The following GRIP1 variants were observed in gnomAD, a reference collection of about 807,000 sequenced individuals.
GRIP1 encodes glutamate receptor-interacting protein 1.
Under a neutral mutation model 129.9 loss-of-function variants are expected in GRIP1, and 45 were observed. The observed-to-expected ratio is 0.35, with a 90% CI of 0.27 to 0.44. GRIP1 has a LOEUF of 0.44. Among genes scored for constraint, GRIP1 ranks in the 20% least tolerant of loss-of-function variants. The pLI is 1.00. For synonymous variants in GRIP1, 530 were observed against 520.8 expected, an observed-to-expected ratio of 1.02 and a Z score of -0.24; for missense variants, 1,196 against 1,396.8, an observed-to-expected ratio of 0.86 and a Z score of 2.29.
At chr12:66,952,488 GCTTA>G (rs1414422570) in intron 1 of GRIP1, among the ~76,000 whole-genome samples, 2 of 152,038 alleles carry the variant, frequency 1.3e-5, no homozygotes, top group East Asian at 3.9e-4. Context: ...TTTACAAATG[GCTTA>G]CTGAGACCCA....
chr12:66,548,342 G>A (rs1472587008), intron 2 of GRIP1, among the ~76,000 whole-genome samples: 2 of 152,166 alleles, frequency 1.3e-5, no homozygotes, highest in Non-Finnish European at 2.9e-5. Context: ...TTCTGCCCTA[G>A]GACTTTATCT....
intron 1 of GRIP1, among the ~76,000 whole-genome samples, chr12:66,815,854 T>TTCTCTCTCTCTCTC (rs1555241803): frequency 1.6e-4 from 19 of 116,758 alleles, no homozygotes; most frequent in Non-Finnish European, 2.4e-4. Flanking sequence ...CTTTCTTTCT[T>TTCTCTCTCTCTCTC]TCTCTCTCTC....
intron 1 of GRIP1, among the ~76,000 whole-genome samples, chr12:66,896,376 C>T (rs554469475): frequency 1.5e-4 from 23 of 150,198 alleles, no homozygotes; most frequent in Admixed American, 1.5e-3. Flanking sequence ...AGGTATGGGT[C>T]ACTATGGAGC....
At chr12:67,022,510 ATGT>A (rs759111305) in intron 1 of GRIP1, among the ~76,000 whole-genome samples, 10 of 152,104 alleles carry the variant, frequency 6.6e-5, no homozygotes, top group African/African-American at 1.2e-4. Flanking sequence ...AGAAACTACT[ATGT>A]TGTTTTCCAC....
Position 66,476,763 on chromosome 12 carries a change from C to A in GRIP1, c.725-11341G>T, listed in dbSNP as rs1291081728. Among the ~76,000 whole-genome samples, 7 of 152,048 alleles carry A rather than the reference C, an allele frequency of 4.6e-5. 1 individual carries two copies. In the East Asian group the frequency reaches 1.3e-3, roughly 29 times the overall value. ...AACGTAATCCAGCATATAAACAGAA[C>A]CAAAGACAAAAACTACATGATTATC... On this transcript the variant is annotated intron_variant, in intron 7 of 24. Coordinates refer to ENST00000359742, the MANE Select transcript of GRIP1 (RefSeq NM_001366722.1).
chr12:66,913,342 G>A (rs1236750026), intron 1 of GRIP1, among the ~76,000 whole-genome samples: 1 of 152,020 alleles, frequency 6.6e-6, no homozygotes, highest in Middle Eastern at 3.2e-3. Context: ...AATGTCTTAT[G>A]GAATACAGTT....
At chr12:66,431,321 T>A (rs1291035091) in intron 14 of GRIP1, among the ~76,000 whole-genome samples, 1 of 152,154 alleles carries the variant, frequency 6.6e-6, no homozygotes, top group Non-Finnish European at 1.5e-5. Context: ...CCATTCCATC[T>A]TTCTACTTTT....
intron 1 of GRIP1, among the ~76,000 whole-genome samples, chr12:67,032,737 T>C (rs1439568393): frequency 6.6e-6 from 1 of 152,152 alleles, no homozygotes; most frequent in African/African-American, 2.4e-5. Flanking sequence ...GTTGGGGAGT[T>C]GCCTCTGGTT....
At chr12:67,006,737 C>T (rs2042633161) in intron 1 of GRIP1, among the ~76,000 whole-genome samples, 1 of 152,120 alleles carries the variant, frequency 6.6e-6, no homozygotes, top group Non-Finnish European at 1.5e-5. Context: ...ATAATTTGGC[C>T]CAAGGCAGAG....
upstream of GRIP1, among the ~76,000 whole-genome samples, chr12:66,682,338 T>C (rs988304342): frequency 1.3e-5 from 2 of 152,126 alleles, no homozygotes; most frequent in East Asian, 1.9e-4. Context: ...GACCATTACG[T>C]ATCAAGTGTT....
chr12:66,353,498 C>G lies in GRIP1; in HGVS notation c.3078G>C (p.Glu1026Asp). 1 of 1,613,076 alleles carries G rather than the reference C, an allele frequency of 6.2e-7. No individual in the cohort carries two copies. The highest frequency in any genetic ancestry group is 8.5e-7 in the Non-Finnish European group (1 of 1,179,044). Residue 1026 changes from glutamate to aspartate, a missense_variant, in exon 24 of 25, where the codon GAG becomes GAC. Around this residue, in one of 5 missense-constraint regions of GRIP1, gnomAD observed 427 missense variants for 463.3 expected, o/e 0.92. Coordinates refer to ENST00000359742, the MANE Select transcript of GRIP1 (RefSeq NM_001366722.1). ...FGFSVADGLL[E>D]KGVYVKNIRP... ...GAATATTTTTGACATACACTCCTTTCTCCAGTAAGCCATCTGCTACACTGA... is the reference window on the plus strand; with the variant it reads ...GAATATTTTTGACATACACTCCTTTGTCCAGTAAGCCATCTGCTACACTGA...
intron 7 of GRIP1, among the ~76,000 whole-genome samples, chr12:66,509,610 T>C (rs141774802): frequency 0.011 from 1,738 of 152,274 alleles, 17 homozygotes; most frequent in Non-Finnish European, 0.018. Context: ...TAGAATATTA[T>C]GCAGCCATAA....
At chr12:66,786,145 T>G (rs1297945815) in intron 1 of GRIP1, among the ~76,000 whole-genome samples, 1 of 152,172 alleles carries the variant, frequency 6.6e-6, no homozygotes, top group Admixed American at 6.6e-5. Flanking sequence ...GTATTGAAAT[T>G]ATAGCTTTTT....
chr12:66,892,373 T>C (rs1293367802), intron 1 of GRIP1, among the ~76,000 whole-genome samples: 1 of 152,126 alleles, frequency 6.6e-6, no homozygotes, highest in Non-Finnish European at 1.5e-5. Flanking sequence ...AGAGAGAACC[T>C]TTTTTAAAAA....
chr12:66,885,261 C>T (rs527574100), intron 1 of GRIP1, among the ~76,000 whole-genome samples: 3 of 152,102 alleles, frequency 2.0e-5, no homozygotes, highest in Non-Finnish European at 2.9e-5. Context: ...TGCCAGTGGG[C>T]GGGTCTCAAC....
chr12:66,444,046 C>T (rs374388776), intron 13 of GRIP1, among the ~76,000 whole-genome samples: 4 of 152,134 alleles, frequency 2.6e-5, no homozygotes, highest in East Asian at 3.9e-4. Context: ...TTATTTTTAT[C>T]GCCTCTATAG....
intron 4 of GRIP1, among the ~76,000 whole-genome samples, chr12:66,533,501 C>T (rs968702459): frequency 2.6e-4 from 40 of 151,866 alleles, no homozygotes; most frequent in African/African-American, 7.3e-4. Flanking sequence ...AAAAATTAGC[C>T]GGACATAATG....
intron 1 of GRIP1, among the ~76,000 whole-genome samples, chr12:66,603,692 G>T (rs2064381778): frequency 6.6e-6 from 1 of 152,178 alleles, no homozygotes; most frequent in Non-Finnish European, 1.5e-5. Context: ...AATTCCAAGA[G>T]TATCCCCAGG....
intron 1 of GRIP1, among the ~76,000 whole-genome samples, chr12:67,043,667 A>G (rs2043211967): frequency 6.6e-6 from 1 of 152,120 alleles, no homozygotes. Flanking sequence ...CCTTCTCCCA[A>G]TAACCAAGAA....
Sources: allele counts gnomAD v4.1 joint callset (sites outside exome capture counted in the v4.1 genomes callset), GRCh38; gene constraint gnomAD v4.1.1; regional missense constraint gnomAD v4.1.1; transcripts MANE v1.5; gene names NCBI Gene and HGNC (gene_info 2026-07-23, HGNC 2026-07-21).